The following DNAH12 variants were observed in gnomAD, a reference collection of about 807,000 sequenced individuals.
DNAH12 encodes the protein dynein axonemal heavy chain 12.
DNAH12 carries 285 observed loss-of-function variants against 371.5 expected under a neutral mutation model. That is an observed-to-expected ratio of 0.77 (90% confidence interval 0.70 to 0.85). The LOEUF (loss-of-function observed/expected upper bound fraction) is 0.85, where lower values mean the gene tolerates loss of function less well. DNAH12 is among the 40% of genes least tolerant of loss of function. The pLI, the probability that DNAH12 is intolerant of heterozygous loss-of-function variation, is 0.00. For synonymous variants in DNAH12, 1,200 were observed against 1,213.0 expected (o/e 0.99, Z 0.22); for missense variants, 3,611 against 3,689.4 (o/e 0.98, Z 0.55).
At chr3:57,325,240 G>A (rs1010383719) in intron 62 of DNAH12, among the ~76,000 whole-genome samples, 3 of 152,236 alleles carry the variant, frequency 2.0e-5, no homozygotes, top group African/African-American at 7.2e-5. Flanking sequence ...GCACGCAGCT[G>A]GAGATCTGAG....
chr3:57,296,477 A>C, intron 71 of DNAH12, 42 bp from the exon 72 acceptor site: 3 of 1,424,676 alleles, frequency 2.1e-6, no homozygotes, highest in Non-Finnish European at 2.9e-6. Flanking sequence ...CTCTCCAGAC[A>C]ACTTCATCTC....
intron 69 of DNAH12, among the ~76,000 whole-genome samples, chr3:57,305,564 T>C (rs1448472951): frequency 6.6e-6 from 1 of 152,142 alleles, no homozygotes; most frequent in Non-Finnish European, 1.5e-5. Flanking sequence ...TTTATCCCAC[T>C]TCTCCCAAAT....
chr3:57,302,563 A>G (rs377426136), intron 69 of DNAH12, among the ~76,000 whole-genome samples: 83 of 41,664 alleles, frequency 2.0e-3, no homozygotes, highest in South Asian at 0.011. Context: ...ATATATATAT[A>G]TGTATTTTTT....
At chr3:57,530,219 T>C in intron 2 of DNAH12, 2 of 190,110 alleles carry the variant, frequency 1.1e-5, no homozygotes, top group East Asian at 1.1e-4. Context: ...CTTGATTTCA[T>C]CCCCCTGCTT....
At chr3:57,503,685 C>G (rs771682884) in intron 9 of DNAH12, among the ~76,000 whole-genome samples, 1 of 152,138 alleles carries the variant, frequency 6.6e-6, no homozygotes, top group African/African-American at 2.4e-5. Flanking sequence ...CTGCGCCCGG[C>G]TGACAAATAT....
intron 60 of DNAH12, among the ~76,000 whole-genome samples, chr3:57,350,242 T>G (rs1327440479): frequency 6.6e-6 from 1 of 152,040 alleles, no homozygotes; most frequent in South Asian, 2.1e-4. Flanking sequence ...AAAGAACTTA[T>G]TCATGTAACC....
Position 57,459,617 on chromosome 3 carries a change from A to T in DNAH12, c.2906T>A (p.Met969Lys), listed in dbSNP as rs1225517310. 2 of 1,513,512 alleles carry T rather than the reference A, an allele frequency of 1.3e-6. No individual in the cohort carries two copies. The highest frequency in any genetic ancestry group is 2.5e-5 in the East Asian group (1 of 40,100). 93.8% of individuals were successfully genotyped at this position (1,513,512 alleles called of 1,614,324 possible). The change falls in exon 20 of 74, where the codon ATG becomes AAG. Residue 969 changes from methionine to lysine, a missense_variant. Around this residue, in one of 3 missense-constraint regions of DNAH12, gnomAD observed 1,314 missense variants for 1,398.7 expected, o/e 0.94. Coordinates refer to ENST00000495027, the MANE Select transcript of DNAH12 (RefSeq NM_001366028.2). ...QTVDRHWRDI[M>K]KFCAKDPKVL... ...CTTTGGATCTTTAGCACAAAACTTCATGATATCTCTCCAGTGTCTGTCTAC... is the reference window on the plus strand; with the variant it reads ...CTTTGGATCTTTAGCACAAAACTTCTTGATATCTCTCCAGTGTCTGTCTAC...
At chr3:57,330,926 GTTGTT>G (rs1416525767) in intron 62 of DNAH12, among the ~76,000 whole-genome samples, 1 of 152,000 alleles carries the variant, frequency 6.6e-6, no homozygotes. Flanking sequence ...CCCCTCCCCT[GTTGTT>G]TTATTTCTCT....
intron 1 of DNAH12, 129 bp from the exon 2 acceptor site, chr3:57,543,032 T>C: frequency 1.6e-6 from 1 of 620,822 alleles, no homozygotes; most frequent in Non-Finnish European, 2.4e-6. Flanking sequence ...AGTATGGTAT[T>C]AGTCTAAAGA....
chr3:57,460,502 C>A (rs912557780), intron 19 of DNAH12, among the ~76,000 whole-genome samples: 1 of 152,042 alleles, frequency 6.6e-6, no homozygotes, highest in African/African-American at 2.4e-5. Context: ...CTCATATCTT[C>A]GATTTTTAAA....
chr3:57,328,215 G>A (rs1056778416), intron 62 of DNAH12, among the ~76,000 whole-genome samples: 1 of 150,736 alleles, frequency 6.6e-6, no homozygotes, highest in African/African-American at 2.4e-5. Flanking sequence ...ATTTTATGAG[G>A]CCAGCATCAT....
intron 62 of DNAH12, among the ~76,000 whole-genome samples, chr3:57,326,568 A>G (rs967401687): frequency 6.6e-6 from 1 of 152,218 alleles, no homozygotes; most frequent in Non-Finnish European, 1.5e-5. Context: ...AGCACTAAAC[A>G]TGGAAAGGAA....
intron 58 of DNAH12, among the ~76,000 whole-genome samples, chr3:57,359,612 T>A: frequency 6.6e-6 from 1 of 151,042 alleles, no homozygotes; most frequent in Admixed American, 6.6e-5. Context: ...TGAGTATATG[T>A]TAAGATGTTA....
chr3:57,480,857 C>A (rs2066717829), intron 13 of DNAH12, among the ~76,000 whole-genome samples: 1 of 152,108 alleles, frequency 6.6e-6, no homozygotes, highest in African/African-American at 2.4e-5. Context: ...AGGCCTTTGA[C>A]AAAATTCAAC....
intron 13 of DNAH12, among the ~76,000 whole-genome samples, chr3:57,482,495 AT>A (rs1394468460): frequency 5.9e-5 from 9 of 152,088 alleles, no homozygotes; most frequent in African/African-American, 2.2e-4. Context: ...TAGTTCAACC[AT>A]TGTGGAATTC....
At chr3:57,500,961 C>T (rs769030268) in intron 11 of DNAH12, among the ~76,000 whole-genome samples, 3 of 152,028 alleles carry the variant, frequency 2.0e-5, no homozygotes, top group Non-Finnish European at 2.9e-5. Context: ...AAAAAACTTT[C>T]GTAGAGACAC....
At chr3:57,547,305 C>T (rs2069588154), upstream of DNAH12, among the ~76,000 whole-genome samples, 1 of 151,248 alleles carries the variant, frequency 6.6e-6, no homozygotes, top group Non-Finnish European at 1.5e-5. Flanking sequence ...CAATGTACGT[C>T]CTTTTTTTTT....
At chr3:57,428,203 T>G in intron 34 of DNAH12, 3 of 450,134 alleles carry the variant, frequency 6.7e-6, no homozygotes, top group East Asian at 7.8e-5. Flanking sequence ...TGTGCTGGGA[T>G]TATAGGAGTG....
In DNAH12 at chr3:57,445,248, G is replaced by T. The variant is rs778272699; in HGVS notation, c.4351C>A (p.Arg1451=). The T allele has an allele frequency of 1.5e-5, 23 of 1,550,754 alleles. No individual in the cohort carries two copies. The highest frequency in any genetic ancestry group is 2.6e-6 in the Non-Finnish European group (3 of 1,146,572). ...GCCACTAAAACGGCTTTTACTGCTC[G>T]CATTCCATAGTCGTAATGAAATTGC... ...SSQFHYDYGM[R]AVKAVLVAAG... The change falls in exon 28 of 74, where the codon CGA becomes AGA. Residue 1451 remains arginine, a synonymous_variant. Coordinates refer to ENST00000495027, the MANE Select transcript of DNAH12 (RefSeq NM_001366028.2).
Sources: gnomAD v4.1 joint callset for allele counts (sites outside exome capture counted in the v4.1 genomes callset) on GRCh38, gnomAD v4.1.1 for gene constraint, gnomAD v4.1.1 regional missense constraint, MANE v1.5 for transcripts, NCBI Gene and HGNC (gene_info 2026-07-23, HGNC 2026-07-21) for gene names.